Variants in KCNQ1 observed in about 807,000 individuals in gnomAD.
The protein encoded by KCNQ1 is potassium voltage-gated channel subfamily Q member 1.
A neutral mutation model predicts 72.4 loss-of-function variants in KCNQ1; 49 were observed. The observed-to-expected ratio is 0.68, with a 90% CI of 0.54 to 0.86. The LOEUF is 0.86. Ranked by LOEUF, KCNQ1 falls within the 40% of genes least tolerant of loss-of-function variation. The pLI is 0.00. For missense variants in KCNQ1, 790 were observed against 945.1 expected (o/e 0.84, Z 2.15); for synonymous variants, 450 against 412.6 (o/e 1.09, Z -1.10).
rs1849171426 is a variant in KCNQ1, at chr11:2,621,467, T to C, written c.1393+32613T>C. ...TAGGACCTTTGCCAGATGAATAGTT[T>C]GCAAATATTTTTTCTCCCATTCTAT... On this transcript the variant is annotated intron_variant, in intron 10 of 15. Coordinates refer to ENST00000155840, the MANE Select transcript of KCNQ1 (RefSeq NM_000218.3). The surrounding 1 kb of genome is among the most constrained non-coding windows in gnomAD (Gnocchi z 5.7). The C allele has an allele frequency of 5.0e-6, 2 of 398,580 alleles. No homozygotes were observed. The highest frequency in any genetic ancestry group is 8.8e-6 in the Non-Finnish European group (2 of 226,060). 24.7% of individuals were successfully genotyped at this position (398,580 alleles called of 1,614,324 possible).
At position 2,759,302 on chromosome 11, in the gene KCNQ1, G is replaced by A. The variant is rs373535933; in HGVS notation, c.1515-9542G>A. ...GAGGTGGCTGCTAGGGGGATGTGACGTAGAGTGACTTCAGTTTCCCTCTTC... is the reference window on the plus strand; with the variant it reads ...GAGGTGGCTGCTAGGGGGATGTGACATAGAGTGACTTCAGTTTCCCTCTTC... On this transcript the variant is annotated intron_variant, in intron 11 of 15. Transcript: ENST00000155840. This position sits in a 1 kb window ranked among gnomAD's most constrained non-coding sequence, Gnocchi z 4.4. Among the ~76,000 whole-genome samples the A allele has an allele frequency of 4.6e-5, 7 of 152,160 alleles. No individual in the cohort carries two copies. Among genetic ancestry groups the A allele is most frequent in the South Asian group, 2.1e-4 (1 of 4,824 alleles).
intron 11 of KCNQ1, among the ~76,000 whole-genome samples, chr11:2,763,973 G>A (rs539581109): frequency 6.6e-6 from 1 of 152,280 alleles, no homozygotes; most frequent in Admixed American, 6.5e-5. Flanking sequence ...GTATGGTTAT[G>A]TCATTTGCAA....
rs1850022822 is a variant in KCNQ1 at position 2,664,279 on chromosome 11, A to G, written c.1514+2198A>G. 1 of 399,108 alleles carries G rather than the reference A, an allele frequency of 2.5e-6. No homozygotes were observed. 24.7% of individuals were successfully genotyped at this position (399,108 alleles called of 1,614,324 possible). On this transcript the variant is annotated intron_variant, in intron 11 of 15. Coordinates refer to ENST00000155840, the MANE Select transcript of KCNQ1 (RefSeq NM_000218.3). The surrounding 1 kb of genome is among the most constrained non-coding windows in gnomAD (Gnocchi z 5.1). ...AGGGAAAAACAAGGAGGTTGCTGCA[A>G]AGGGGCCACCTTGAGGCATTGTGTT...
At position 2,612,058 on chromosome 11, in the gene KCNQ1, A is replaced by C. The variant is rs1236722310; in HGVS notation, c.1393+23204A>C. The C allele has an allele frequency of 5.0e-6, 2 of 398,500 alleles. No homozygotes were observed. Among genetic ancestry groups the C allele is most frequent in the Non-Finnish European group, 8.8e-6 (2 of 226,074 alleles). The allele number at this position is 398,500 out of a possible 1,614,324, so 24.7% of individuals were successfully genotyped here. A position where few individuals can be genotyped will look rare whatever the true frequency, so the allele number is the denominator to read the frequency against. Reference sequence around the variant, plus strand: ...TACTCTTAATTACATATATGTTACAACTTAATTACACATACATTGTTACAC... The same window carrying C: ...TACTCTTAATTACATATATGTTACACCTTAATTACACATACATTGTTACAC... On this transcript the variant is annotated intron_variant, in intron 10 of 15. Coordinates refer to ENST00000155840, the MANE Select transcript of KCNQ1 (RefSeq NM_000218.3). The surrounding 1 kb of genome is among the most constrained non-coding windows in gnomAD (Gnocchi z 5.5).
chr11:2,564,748 C>G lies in KCNQ1; in HGVS notation c.478-5880C>G, dbSNP rs1225142727. On this transcript the variant is annotated intron_variant, in intron 2 of 15. Transcript: ENST00000155840. This position sits in a 1 kb window ranked among gnomAD's most constrained non-coding sequence, Gnocchi z 4.5. ...CATTAAACACTCACTCCCTACTCCCCCTTCCCCAGCCCCTGGCGCCCATCA... is the reference window on the plus strand; with the variant it reads ...CATTAAACACTCACTCCCTACTCCCGCTTCCCCAGCCCCTGGCGCCCATCA... 6.6e-6 allele frequency among the ~76,000 whole-genome samples: 1 copy of G among 152,248 alleles called. No individual in the cohort carries two copies. The highest frequency in any genetic ancestry group is 1.5e-5 in the Non-Finnish European group (1 of 68,052).
At chr11:2,798,549 GAAAA>G (rs34275888) in intron 15 of KCNQ1, among the ~76,000 whole-genome samples, 3 of 142,152 alleles carry the variant, frequency 2.1e-5, no homozygotes, top group African/African-American at 7.7e-5. Context: ...CGAGTTCCCT[GAAAA>G]AAAAAAAAAA....
chr11:2,771,303 G>C (rs1384177682), intron 12 of KCNQ1: 1 of 152,338 alleles, frequency 6.6e-6, no homozygotes, highest in African/African-American at 2.4e-5. Flanking sequence ...AGCCAGGAAG[G>C]ACACTGGCAT....
At chr11:2,825,071 C>T (rs780011766) in intron 15 of KCNQ1, among the ~76,000 whole-genome samples, 9 of 152,198 alleles carry the variant, frequency 5.9e-5, no homozygotes, top group African/African-American at 1.4e-4. Flanking sequence ...GTGCAGGAGG[C>T]GCAGTGTGCT....
intron 2 of KCNQ1, among the ~76,000 whole-genome samples, chr11:2,531,647 C>T (rs573102369): frequency 7.2e-5 from 11 of 152,316 alleles, no homozygotes; most frequent in African/African-American, 9.6e-5. Flanking sequence ...CCCTCTCCTC[C>T]GGGGTGGCAT....
At position 2,669,473 on chromosome 11, in the gene KCNQ1, A is replaced by G; in HGVS notation, c.1514+7392A>G. On this transcript the variant is annotated intron_variant, in intron 11 of 15. Coordinates refer to ENST00000155840, the MANE Select transcript of KCNQ1 (RefSeq NM_000218.3). The surrounding 1 kb of genome is among the most constrained non-coding windows in gnomAD (Gnocchi z 5.6). ...CCCTGTAGTTTTCAGTGTGGTGGTC[A>G]TGAACAGCTTGTCAGATTCATTCCT... is the stretch of plus-strand genomic sequence containing the variant. 1 of 398,648 alleles carries G rather than the reference A, an allele frequency of 2.5e-6. No individual in the cohort carries two copies. Among genetic ancestry groups the G allele is most frequent in the Non-Finnish European group, 4.4e-6 (1 of 226,086 alleles). The allele number at this position is 398,648 out of a possible 1,614,324, so 24.7% of individuals were successfully genotyped here.
At chr11:2,692,172 G>T in intron 11 of KCNQ1, 1 of 398,694 alleles carries the variant, frequency 2.5e-6, no homozygotes, top group Non-Finnish European at 4.4e-6. Flanking sequence ...TCCTTTCAGT[G>T]GCACAAGTCA....
chr11:2,589,283 C>T (rs767938610), intron 10 of KCNQ1, among the ~76,000 whole-genome samples: 21 of 152,064 alleles, frequency 1.4e-4, no homozygotes, highest in Non-Finnish European at 2.4e-4. Flanking sequence ...GCACCAGGCC[C>T]GGGTAAAACG....
In KCNQ1 at chr11:2,571,998, C is replaced by T. The variant is rs752087023; in HGVS notation, c.684-15C>T. 3 of 1,607,588 alleles carry T rather than the reference C, an allele frequency of 1.9e-6. No homozygotes were observed. Among genetic ancestry groups the T allele is most frequent in the African/African-American group, 2.7e-5 (2 of 74,796 alleles). On this transcript the variant is annotated splice_polypyrimidine_tract_variant and intron_variant, in intron 4 of 15. Coordinates refer to ENST00000155840, the MANE Select transcript of KCNQ1 (RefSeq NM_000218.3). ...CCAGCCTGGCTCCCTCAGCCCCACA[C>T]CATCTCCTTCGCAGGGGCATCCGCT...
At chr11:2,587,740 G>A (rs760039350) in intron 9 of KCNQ1, 48 bp downstream of exon 9, 2 of 1,612,546 alleles carry the variant, frequency 1.2e-6, no homozygotes, top group East Asian at 2.2e-5. Context: ...GCTAGCAGGT[G>A]GGGAGGCCGT....
At chr11:2,776,151 G>A in intron 13 of KCNQ1, 97 bp downstream of exon 13, 1 of 1,069,178 alleles carries the variant, frequency 9.4e-7, no homozygotes, top group Non-Finnish European at 1.4e-6. Flanking sequence ...GAGGGGCTGA[G>A]ACCCTGAGTT....
intron 15 of KCNQ1, among the ~76,000 whole-genome samples, chr11:2,790,131 C>T (rs1444010245): frequency 6.6e-6 from 1 of 152,208 alleles, no homozygotes; most frequent in Non-Finnish European, 1.5e-5. Context: ...GCCCAAATGA[C>T]CCTCAACCTG....
rs1327718499 is a variant in KCNQ1, at chr11:2,752,163, G to T, written c.1515-16681G>T. Among the ~76,000 whole-genome samples, 1 of 152,200 alleles carries T rather than the reference G, an allele frequency of 6.6e-6. No homozygotes were observed. The highest frequency in any genetic ancestry group is 1.5e-5 in the Non-Finnish European group (1 of 68,038). On this transcript the variant is annotated intron_variant, in intron 11 of 15. Transcript: ENST00000155840. This position sits in a 1 kb window ranked among gnomAD's most constrained non-coding sequence, Gnocchi z 5.2. ...GTAGTGTTGACTTGAGTTGCATCGT[G>T]TTGTGTTGACTTGAGCTGAACTGTG...
chr11:2,667,638 T>C (rs1273636701), intron 11 of KCNQ1: 5 of 398,536 alleles, frequency 1.3e-5, no homozygotes, highest in African/African-American at 2.1e-5. Context: ...GCTCTGCTGA[T>C]ACCTGAAAGG....
At chr11:2,556,643 A>G (rs972769642) in intron 2 of KCNQ1, among the ~76,000 whole-genome samples, 1 of 152,228 alleles carries the variant, frequency 6.6e-6, no homozygotes, top group Non-Finnish European at 1.5e-5. Context: ...AACTATGAAG[A>G]CAATGTTGGA....
Sources: allele counts gnomAD v4.1 joint callset (sites outside exome capture counted in the v4.1 genomes callset), GRCh38; gene constraint gnomAD v4.1.1; non-coding constraint Gnocchi (gnomAD v3.1); transcripts MANE v1.5; gene names NCBI Gene and HGNC (gene_info 2026-07-23, HGNC 2026-07-21).